Variants in SYT16 observed in about 807,000 individuals in gnomAD.
SYT16 encodes the protein synaptotagmin-16.
Under a neutral mutation model 61.4 loss-of-function variants are expected in SYT16, and 42 were observed. The observed-to-expected ratio is 0.68, with a 90% CI of 0.53 to 0.89. SYT16 has a LOEUF of 0.89. Among genes scored for constraint, SYT16 ranks in the 40% least tolerant of loss-of-function variants. SYT16 has a pLI of 0.00. For synonymous variants in SYT16, 314 were observed against 302.3 expected (o/e 1.04, Z -0.40); for missense variants, 804 against 807.3 (o/e 1.00, Z 0.05).
chr14:62,094,669 A>G (rs1032203896), intron 7 of SYT16, among the ~76,000 whole-genome samples: 2 of 152,052 alleles, frequency 1.3e-5, no homozygotes, highest in Non-Finnish European at 2.9e-5. Flanking sequence ...TATCAGTCAC[A>G]TATTTTCAGG....
intron 3 of SYT16, among the ~76,000 whole-genome samples, chr14:62,040,392 A>T (rs1428566169): frequency 6.6e-6 from 1 of 152,232 alleles, no homozygotes; most frequent in Non-Finnish European, 1.5e-5. Flanking sequence ...TTTCAAAAAG[A>T]GGTTTAAATA....
chr14:61,999,951 G>T (rs946023606), intron 3 of SYT16, among the ~76,000 whole-genome samples: 14 of 151,432 alleles, frequency 9.2e-5, no homozygotes, highest in Non-Finnish European at 1.5e-4. Context: ...ATTAATTAAG[G>T]TTTGTTTTAT....
chr14:62,039,842 C>G (rs1413096620), intron 3 of SYT16, among the ~76,000 whole-genome samples: 1 of 112,792 alleles, frequency 8.9e-6, no homozygotes, highest in Non-Finnish European at 2.0e-5. Flanking sequence ...CATACACACA[C>G]ACACACACAC....
intron 3 of SYT16, among the ~76,000 whole-genome samples, chr14:62,027,189 A>T (rs2054134182): frequency 1.3e-5 from 2 of 152,318 alleles, no homozygotes; most frequent in South Asian, 4.1e-4. Context: ...AGAGCTTCTT[A>T]CTTTTCCTGT....
intron 1 of SYT16, among the ~76,000 whole-genome samples, chr14:61,880,026 G>A (rs2047641487): frequency 6.6e-6 from 1 of 152,134 alleles, no homozygotes; most frequent in Admixed American, 6.5e-5. Flanking sequence ...ATCGAATCCA[G>A]CACCCCACTC....
At chr14:61,881,733 A>G (rs929456202) in intron 1 of SYT16, among the ~76,000 whole-genome samples, 3 of 152,202 alleles carry the variant, frequency 2.0e-5, no homozygotes, top group Non-Finnish European at 4.4e-5. Flanking sequence ...GGGTGACAGT[A>G]TATATCCAGT....
At chr14:62,003,300 T>C (rs1359271930) in intron 3 of SYT16, among the ~76,000 whole-genome samples, 1 of 152,054 alleles carries the variant, frequency 6.6e-6, no homozygotes, top group Non-Finnish European at 1.5e-5. Flanking sequence ...TTCTTGTGAG[T>C]GCCTGGTGAG....
chr14:61,890,325 G>A (rs1200850402), intron 1 of SYT16, among the ~76,000 whole-genome samples: 1 of 152,156 alleles, frequency 6.6e-6, no homozygotes, highest in Non-Finnish European at 1.5e-5. Context: ...GAATTGTTGA[G>A]AAGGCGCTTT....
At chr14:61,987,018 G>A (rs184108870) in intron 2 of SYT16, among the ~76,000 whole-genome samples, 14 of 152,238 alleles carry the variant, frequency 9.2e-5, no homozygotes, top group African/African-American at 3.4e-4. Flanking sequence ...AATGTTATAG[G>A]TCATCAATAA....
intron 3 of SYT16, among the ~76,000 whole-genome samples, chr14:62,047,461 G>T (rs1231223556): frequency 5.9e-5 from 9 of 152,122 alleles, no homozygotes; most frequent in East Asian, 1.9e-4. Flanking sequence ...TTGAATGCCC[G>T]TTATTTCCTT....
At chr14:61,856,783 T>C (rs1012336429) in intron 1 of SYT16, among the ~76,000 whole-genome samples, 4 of 152,174 alleles carry the variant, frequency 2.6e-5, no homozygotes, top group African/African-American at 9.7e-5. Flanking sequence ...TTAAACACCA[T>C]GATTTGACAT....
At chr14:61,944,062 A>T (rs2050320189) in intron 1 of SYT16, among the ~76,000 whole-genome samples, 1 of 152,238 alleles carries the variant, frequency 6.6e-6, no homozygotes, top group Non-Finnish European at 1.5e-5. Flanking sequence ...AGTGTGCAAA[A>T]ATCACAAGCA....
chr14:61,971,313 G>C (rs996219764), intron 2 of SYT16, among the ~76,000 whole-genome samples: 1 of 152,192 alleles, frequency 6.6e-6, no homozygotes, highest in Admixed American at 6.5e-5. Flanking sequence ...GAGTGGCTTA[G>C]TTGGGTGATT....
intron 3 of SYT16, among the ~76,000 whole-genome samples, chr14:62,045,866 G>A (rs920915345): frequency 1.1e-4 from 16 of 152,228 alleles, no homozygotes; most frequent in Admixed American, 9.8e-4. Context: ...TGGACATTTA[G>A]GTTGGTTCCA....
chr14:62,018,817 G>T (rs1381386792), intron 3 of SYT16, among the ~76,000 whole-genome samples: 1 of 152,030 alleles, frequency 6.6e-6, no homozygotes, highest in Non-Finnish European at 1.5e-5. Flanking sequence ...CCCTTTCCAT[G>T]CCTTATGTTT....
intron 7 of SYT16, among the ~76,000 whole-genome samples, chr14:62,084,877 G>A (rs371137118): frequency 6.6e-6 from 1 of 152,192 alleles, no homozygotes; most frequent in African/African-American, 2.4e-5. Context: ...TGATGGAGTT[G>A]TTTTGGAGTT....
In SYT16 at chr14:62,080,869, G is replaced by A. The variant is rs1431950728; in HGVS notation, c.1029G>A (p.Gly343=). Residue 343 remains glycine, a synonymous_variant, in exon 6 of 8, where the codon GGG becomes GGA. Transcript: ENST00000683842. The part of the protein sequence containing the change: ...QDRTNLQVPS[G]VSEPISKCGD... ...GGACCAATTTGCAGGTGCCATCCGG[G>A]GTCTCAGAGCCCATCTCAAAGTGTG... 1.2e-6 allele frequency: 2 copies of A among 1,603,736 alleles called. No homozygotes were observed. Among genetic ancestry groups the A allele is most frequent in the East Asian group, 2.2e-5 (1 of 44,578 alleles).
chr14:62,015,781 T>C (rs1304184747), intron 3 of SYT16, among the ~76,000 whole-genome samples: 1 of 152,206 alleles, frequency 6.6e-6, no homozygotes, highest in African/African-American at 2.4e-5. Flanking sequence ...CACCTTGATC[T>C]TGAATTTCTC....
chr14:62,061,177 C>T (rs565369429), intron 3 of SYT16, among the ~76,000 whole-genome samples: 1 of 152,126 alleles, frequency 6.6e-6, no homozygotes, highest in African/African-American at 2.4e-5. Flanking sequence ...ATAACACTGG[C>T]TTAAAATAGA....
Sources: gnomAD v4.1 joint callset for allele counts (sites outside exome capture counted in the v4.1 genomes callset) on GRCh38, gnomAD v4.1.1 for gene constraint, MANE v1.5 for transcripts, NCBI Gene and HGNC (gene_info 2026-07-23, HGNC 2026-07-21) for gene names.